KLHL3: variants seen among roughly 807,000 people sequenced by gnomAD.
KLHL3 encodes the protein kelch-like protein 3.
In KLHL3, 19 loss-of-function variants were observed where a neutral mutation model predicts 70.5. The observed-to-expected ratio is 0.27, with a 90% CI of 0.19 to 0.40. The LOEUF (loss-of-function observed/expected upper bound fraction) is 0.40, where lower values mean the gene tolerates loss of function less well. Ranked by LOEUF, KLHL3 falls within the 10% of genes least tolerant of loss-of-function variation. The pLI is 1.00. For missense variants in KLHL3, 512 were observed against 771.1 expected (o/e 0.66, Z 3.98); for synonymous variants, 258 against 290.3 (o/e 0.89, Z 1.13).
intron 11 of KLHL3, among the ~76,000 whole-genome samples, chr5:137,636,881 T>C (rs1040380997): frequency 6.6e-6 from 1 of 152,194 alleles, no homozygotes; most frequent in African/African-American, 2.4e-5. Context: ...CACAGTTCTG[T>C]TAATGTTCAA....
At chr5:137,692,855 A>G (rs1469958875) in intron 4 of KLHL3, among the ~76,000 whole-genome samples, 11 of 75,070 alleles carry the variant, frequency 1.5e-4, no homozygotes, top group African/African-American at 4.1e-4. Context: ...CACACACACA[A>G]TGGTTCTCAT....
chr5:137,724,597 G>A (rs1170877658), intron 1 of KLHL3, among the ~76,000 whole-genome samples: 5 of 152,162 alleles, frequency 3.3e-5, no homozygotes, highest in Admixed American at 3.3e-4. Context: ...GGGCTGGCTA[G>A]GGAAAGACAT....
chr5:137,656,153 G>A (rs561718879), intron 8 of KLHL3, among the ~76,000 whole-genome samples: 1 of 150,230 alleles, frequency 6.7e-6, no homozygotes, highest in East Asian at 1.9e-4. Flanking sequence ...AAAGAAATAC[G>A]AACTCAAACA....
intron 8 of KLHL3, among the ~76,000 whole-genome samples, chr5:137,648,869 C>T (rs549677046): frequency 6.6e-6 from 1 of 152,306 alleles, no homozygotes; most frequent in East Asian, 1.9e-4. Context: ...ACAAACCAGC[C>T]TGCCCTTGGA....
rs992853754 is a variant in KLHL3 at position 137,627,482 on chromosome 5, C to CA, written c.1591+814_1591+815insT. On this transcript the variant is annotated intron_variant, in intron 13 of 14. Transcript: ENST00000309755. ...GTAAATTAGTAAATATCACCACCCCCCCCCCCGGTTTACACTTCCAAGTCA... is the reference window on the plus strand; with the variant it reads ...GTAAATTAGTAAATATCACCACCCCCACCCCCCGGTTTACACTTCCAAGTCA... Among the ~76,000 whole-genome samples the CA allele has an allele frequency of 4.0e-5, 5 of 125,834 alleles. 1 individual carries two copies. The East Asian group carries it at 8.3e-4, about 21-fold the overall frequency. 82.6% of individuals were successfully genotyped at this position (125,834 alleles called of 152,430 possible).
chr5:137,713,154 A>C (rs1201236474), intron 2 of KLHL3, among the ~76,000 whole-genome samples: 1 of 120,478 alleles, frequency 8.3e-6, no homozygotes, highest in Non-Finnish European at 1.8e-5. Flanking sequence ...AATAACCAGC[A>C]AAAAAAAAAA....
chr5:137,671,564 A>C (rs10071656), intron 6 of KLHL3, among the ~76,000 whole-genome samples: 1 of 152,164 alleles, frequency 6.6e-6, no homozygotes, highest in Admixed American at 6.5e-5. Context: ...TCATGGAGCT[A>C]TCTACGGTTA....
chr5:137,660,727 G>A (rs1751452227), intron 7 of KLHL3: 2 of 152,192 alleles, frequency 1.3e-5, no homozygotes, highest in Non-Finnish European at 2.9e-5. Flanking sequence ...CACAGCAGTG[G>A]TCACAAAGAC....
intron 6 of KLHL3, among the ~76,000 whole-genome samples, chr5:137,664,654 T>C (rs1386929678): frequency 8.0e-6 from 1 of 125,430 alleles, no homozygotes; most frequent in Non-Finnish European, 1.7e-5. Context: ...CCATCTCTAC[T>C]ACAAAAAAAA....
chr5:137,686,776 T>C (rs1752175512), intron 5 of KLHL3, among the ~76,000 whole-genome samples: 1 of 152,234 alleles, frequency 6.6e-6, no homozygotes, highest in African/African-American at 2.4e-5. Flanking sequence ...TGGATAATCA[T>C]TTTCTACTTC....
chr5:137,657,807 G>A (rs545202810), intron 8 of KLHL3, among the ~76,000 whole-genome samples: 3 of 152,320 alleles, frequency 2.0e-5, no homozygotes, highest in African/African-American at 7.2e-5. Context: ...AACCAACATA[G>A]CCATTCCTCT....
intron 3 of KLHL3, chr5:137,707,612 G>T (rs1752710493): frequency 6.5e-6 from 1 of 154,290 alleles, no homozygotes; most frequent in African/African-American, 2.4e-5. Context: ...GTTTTTACCT[G>T]TAATAAACAC....
At chr5:137,669,380 T>C (rs1215431306) in intron 6 of KLHL3, among the ~76,000 whole-genome samples, 2 of 152,120 alleles carry the variant, frequency 1.3e-5, no homozygotes, top group Non-Finnish European at 2.9e-5. Flanking sequence ...AAATATTTCT[T>C]AATAGGATGA....
At chr5:137,697,836 A>G (rs1271101775) in intron 4 of KLHL3, among the ~76,000 whole-genome samples, 1 of 152,226 alleles carries the variant, frequency 6.6e-6, no homozygotes, top group Non-Finnish European at 1.5e-5. Context: ...GCTGGTTCCA[A>G]TTATAGACTT....
chr5:137,653,678 TA>T (rs1342455673), intron 8 of KLHL3, among the ~76,000 whole-genome samples: 1 of 152,210 alleles, frequency 6.6e-6, no homozygotes, highest in Non-Finnish European at 1.5e-5. Flanking sequence ...ATAGCCATTT[TA>T]AAAAACAGTT....
intron 6 of KLHL3, among the ~76,000 whole-genome samples, chr5:137,672,355 A>G (rs1281752289): frequency 1.3e-5 from 2 of 152,230 alleles, no homozygotes; most frequent in African/African-American, 4.8e-5. Flanking sequence ...GGCATGGAAC[A>G]CCAATGATCC....
intron 1 of KLHL3, among the ~76,000 whole-genome samples, chr5:137,727,047 T>A (rs1278946245): frequency 6.6e-6 from 1 of 152,092 alleles, no homozygotes; most frequent in Non-Finnish European, 1.5e-5. Flanking sequence ...ATATCCAATG[T>A]CTTATTTGAC....
chr5:137,700,346 C>T (rs1217795537), intron 3 of KLHL3, among the ~76,000 whole-genome samples: 1 of 152,056 alleles, frequency 6.6e-6, no homozygotes, highest in African/African-American at 2.4e-5. Flanking sequence ...GGAGTTAGCC[C>T]TCAAAAAATA....
intron 6 of KLHL3, 58 bp downstream of exon 6, chr5:137,677,487 C>A: frequency 1.0e-6 from 1 of 965,912 alleles, no homozygotes; most frequent in Non-Finnish European, 1.6e-6. Flanking sequence ...AACCACAAGT[C>A]CTTCCCATGA....
Sources: gnomAD v4.1 joint callset for allele counts (sites outside exome capture counted in the v4.1 genomes callset) on GRCh38, gnomAD v4.1.1 for gene constraint, MANE v1.5 for transcripts, NCBI Gene and HGNC (gene_info 2026-07-23, HGNC 2026-07-21) for gene names.